The following SH3PXD2A variants were observed in gnomAD, a reference collection of about 807,000 sequenced individuals.
SH3PXD2A encodes the protein SH3 and PX domains 2A.
SH3PXD2A carries 32 observed loss-of-function variants against 115.2 expected under a neutral mutation model. The observed-to-expected ratio is 0.28, with a 90% CI of 0.21 to 0.37. The LOEUF (loss-of-function observed/expected upper bound fraction) is 0.37, where lower values mean the gene tolerates loss of function less well. SH3PXD2A is among the 10% of genes least tolerant of loss of function. The pLI is 1.00. For synonymous variants in SH3PXD2A, 610 were observed against 629.1 expected, an observed-to-expected ratio of 0.97 and a Z score of 0.45; for missense variants, 1,328 against 1,498.7, an observed-to-expected ratio of 0.89 and a Z score of 1.88.
At chr10:103,841,165 C>G (rs1027052800) in intron 1 of SH3PXD2A, among the ~76,000 whole-genome samples, 1 of 152,110 alleles carries the variant, frequency 6.6e-6, no homozygotes, top group Non-Finnish European at 1.5e-5. Flanking sequence ...TAGAATGAAG[C>G]CTTTGTCCAG....
intron 1 of SH3PXD2A, among the ~76,000 whole-genome samples, chr10:103,806,457 T>C (rs1376857444): frequency 1.3e-5 from 2 of 151,780 alleles, no homozygotes; most frequent in Non-Finnish European, 1.5e-5. Context: ...TTGCCAGCAC[T>C]GGAAACTTCA....
At chr10:103,719,199 C>G (rs2038146308) in intron 5 of SH3PXD2A, among the ~76,000 whole-genome samples, 1 of 152,218 alleles carries the variant, frequency 6.6e-6, no homozygotes, top group Non-Finnish European at 1.5e-5. Flanking sequence ...AGGAAAACAT[C>G]AAAGGGGCTG....
In SH3PXD2A at chr10:103,617,187, G is replaced by A. The variant is rs200820792; in HGVS notation, c.920+10C>T. On this transcript the variant is annotated intron_variant, in intron 11 of 14. Coordinates refer to ENST00000369774, the MANE Select transcript of SH3PXD2A (RefSeq NM_001394015.1). Reference sequence around the variant, plus strand: ...AGAGGCATCTCGTTCATAATGTAAGGGTTCCCTACCTGATATACCACCAGC... The same window carrying A: ...AGAGGCATCTCGTTCATAATGTAAGAGTTCCCTACCTGATATACCACCAGC... 1.1e-5 allele frequency: 18 copies of A among 1,595,114 alleles called. No homozygotes were observed. Among genetic ancestry groups the A allele is most frequent in the Non-Finnish European group, 1.5e-5 (18 of 1,162,844 alleles).
At chr10:103,719,229 C>T (rs2038146841) in intron 5 of SH3PXD2A, among the ~76,000 whole-genome samples, 1 of 152,222 alleles carries the variant, frequency 6.6e-6, no homozygotes, top group African/African-American at 2.4e-5. Flanking sequence ...CCCACCTACT[C>T]TGGCTGGGGT....
intron 8 of SH3PXD2A, among the ~76,000 whole-genome samples, chr10:103,650,050 A>G (rs994714040): frequency 6.6e-6 from 1 of 152,160 alleles, no homozygotes; most frequent in Non-Finnish European, 1.5e-5. Flanking sequence ...TTGTGGGGAG[A>G]GGAGAGGGGA....
intron 1 of SH3PXD2A, among the ~76,000 whole-genome samples, chr10:103,813,039 G>A: frequency 6.6e-6 from 1 of 152,064 alleles, no homozygotes; most frequent in South Asian, 2.1e-4. Context: ...AATAAATTAT[G>A]GTTCATATAC....
intron 8 of SH3PXD2A, among the ~76,000 whole-genome samples, chr10:103,649,673 G>A (rs533317147): frequency 1.1e-4 from 16 of 152,340 alleles, no homozygotes; most frequent in African/African-American, 3.6e-4. Flanking sequence ...ACCCCTGATC[G>A]CAGCAGCTCA....
intron 1 of SH3PXD2A, among the ~76,000 whole-genome samples, chr10:103,815,284 G>A (rs1324101512): frequency 6.6e-6 from 1 of 151,800 alleles, no homozygotes; most frequent in Non-Finnish European, 1.5e-5. Flanking sequence ...CAGAATGGGG[G>A]AAAATATTTT....
intron 4 of SH3PXD2A, 37 bp from the exon 5 acceptor site, chr10:103,724,398 T>C (rs770990519): frequency 2.3e-6 from 3 of 1,310,308 alleles, no homozygotes; most frequent in Non-Finnish European, 3.2e-6. Flanking sequence ...TTAGGTGTGA[T>C]GAACTTGGGA....
chr10:103,598,799 A>AC lies in SH3PXD2A; in HGVS notation c.*3016dup, dbSNP rs1344932317. 1.3e-5 allele frequency: 2 copies of AC among 152,592 alleles called. No homozygotes were observed. The highest frequency in any genetic ancestry group is 3.9e-4 in the East Asian group (2 of 5,146). The allele number at this position is 152,592 out of a possible 1,614,324, so 9.5% of individuals were successfully genotyped here. On this transcript the variant is annotated 3_prime_UTR_variant, in exon 15 of 15. Coordinates refer to ENST00000369774, the MANE Select transcript of SH3PXD2A (RefSeq NM_001394015.1). ...GGAGGCCAGGCGCACAAGGCCTGGT[A>AC]CCCCCTGGCCATGTCGGAGAAGGAC... is the stretch of plus-strand genomic sequence containing the variant.
rs1338623597 is a variant in SH3PXD2A, at chr10:103,603,559, ATACTTGAGC to A, written c.1650_1658del (p.Lys550_Tyr553delinsAsn). 6.2e-7 allele frequency: 1 copy of A among 1,612,550 alleles called. No individual in the cohort carries two copies. On this transcript the variant is annotated inframe_deletion, in exon 15 of 15. Coordinates refer to ENST00000369774, the MANE Select transcript of SH3PXD2A (RefSeq NM_001394015.1). ...CAGGGATGTCATACTCAGGCTCCTC[ATACTTGAGC>A]TTCCGCGGGGAGTCCTGGCTCTCAC...
At chr10:103,795,903 A>AAAGGAAGG (rs747408854) in intron 2 of SH3PXD2A, among the ~76,000 whole-genome samples, 5,324 of 119,970 alleles carry the variant, frequency 0.044, 201 homozygotes, top group African/African-American at 0.057. Context: ...GGAGGGAGGA[A>AAAGGAAGG]AAGGAAGGAA....
chr10:103,735,278 T>C (rs1378888303), intron 4 of SH3PXD2A, among the ~76,000 whole-genome samples: 1 of 152,272 alleles, frequency 6.6e-6, no homozygotes, highest in Non-Finnish European at 1.5e-5. Context: ...TGAACATTTG[T>C]AGTTACCAAG....
At position 103,597,423 on chromosome 10, in the gene SH3PXD2A, AGGTCTCTC is replaced by A. The variant is rs2036152069; in HGVS notation, c.*4385_*4392del. 1 of 152,298 alleles carries A rather than the reference AGGTCTCTC, an allele frequency of 6.6e-6. No individual in the cohort carries two copies. Among genetic ancestry groups the A allele is most frequent in the African/African-American group, 2.4e-5 (1 of 41,468 alleles). The allele number at this position is 152,298 out of a possible 1,614,324, so 9.4% of individuals were successfully genotyped here. A position where few individuals can be genotyped will look rare whatever the true frequency, so the allele number is the denominator to read the frequency against. ...GGCTGCTGGGAGTCATTTTTAGGCC[AGGTCTCTC>A]TGAGCAGCTGGCTGCACCACAACAG... On this transcript the variant is annotated 3_prime_UTR_variant, in exon 15 of 15. Coordinates refer to ENST00000369774, the MANE Select transcript of SH3PXD2A (RefSeq NM_001394015.1).
rs753382716 is a variant in SH3PXD2A at position 103,603,086 on chromosome 10, A to AAGGAAGAGGAGGAGG, written c.2117_2131dup (p.Ser706_Ser710dup). 13 of 1,613,258 alleles carry AAGGAAGAGGAGGAGG rather than the reference A, an allele frequency of 8.1e-6. No homozygotes were observed. The East Asian group carries it at 2.5e-4, about 30-fold the overall frequency. Reference sequence around the variant, plus strand: ...CTTCAGGTCGCCACTGGTTTTGGACAAGGAAGAGGAGGAGGAGGAAGAGGA... The same window carrying AAGGAAGAGGAGGAGG: ...CTTCAGGTCGCCACTGGTTTTGGACAAGGAAGAGGAGGAGGAGGAAGAGGAGGAGGAGGAAGAGGA... On this transcript the variant is annotated inframe_insertion, in exon 15 of 15. Coordinates refer to ENST00000369774, the MANE Select transcript of SH3PXD2A (RefSeq NM_001394015.1).
chr10:103,723,450 G>A (rs1048159399), intron 5 of SH3PXD2A, among the ~76,000 whole-genome samples: 2 of 152,234 alleles, frequency 1.3e-5, no homozygotes, highest in Non-Finnish European at 2.9e-5. Flanking sequence ...GAGCAAGAGA[G>A]CATGGCCATC....
At position 103,694,278 on chromosome 10, in the gene SH3PXD2A, T is replaced by G. The variant is rs1279111866; in HGVS notation, c.399-1222A>C. On this transcript the variant is annotated intron_variant, in intron 5 of 14. Transcript: ENST00000369774. ...CTAGTCTGCCACTGGAAAGGCGGGG[T>G]TGGGGGTTTGGGGGGATGCGGTGGA... Among the ~76,000 whole-genome samples the G allele has an allele frequency of 1.1e-3, 83 of 74,782 alleles. 1 individual carries two copies. Among genetic ancestry groups the G allele is most frequent in the African/African-American group, 4.4e-3 (76 of 17,370 alleles). 49.1% of individuals were successfully genotyped at this position (74,782 alleles called of 152,430 possible). A position where few individuals can be genotyped will look rare whatever the true frequency, so the allele number is the denominator to read the frequency against.
At chr10:103,795,908 A>G (rs1349238892) in intron 2 of SH3PXD2A, among the ~76,000 whole-genome samples, 199 of 98,676 alleles carry the variant, frequency 2.0e-3, no homozygotes, top group African/African-American at 6.5e-3. Context: ...GAGGAAAAGG[A>G]AGGAAGGAAG....
At chr10:103,791,211 A>G (rs2039032056) in intron 2 of SH3PXD2A, among the ~76,000 whole-genome samples, 1 of 152,172 alleles carries the variant, frequency 6.6e-6, no homozygotes, top group Admixed American at 6.5e-5. Context: ...CCCCATGGAG[A>G]GGCTGGGGGT....
Sources: allele counts gnomAD v4.1 joint callset (sites outside exome capture counted in the v4.1 genomes callset), GRCh38; gene constraint gnomAD v4.1.1; transcripts MANE v1.5; gene names NCBI Gene and HGNC (gene_info 2026-07-23, HGNC 2026-07-21).